RACK1: variants seen among roughly 807,000 people sequenced by gnomAD.
RACK1 encodes receptor for activated C kinase 1, also known as small ribosomal subunit protein RACK1.
Under a neutral mutation model 42.2 loss-of-function variants are expected in RACK1, and 3 were observed. The ratio of observed to expected loss-of-function variants is 0.07; its 90% CI spans 0.03 to 0.18. The LOEUF (loss-of-function observed/expected upper bound fraction) is 0.18, where lower values mean the gene tolerates loss of function less well. Ranked by LOEUF, RACK1 falls within the 10% of genes least tolerant of loss-of-function variation. The pLI, the probability that RACK1 is intolerant of heterozygous loss-of-function variation, is 1.00. For missense variants in RACK1, 146 were observed against 403.2 expected, an observed-to-expected ratio of 0.36 and a Z score of 5.46; for synonymous variants, 181 against 154.8, an observed-to-expected ratio of 1.17 and a Z score of -1.25.
In RACK1 at chr5:181,239,549, G is replaced by A; in HGVS notation, c.463C>T (p.Arg155Cys). 1.9e-6 allele frequency: 3 copies of A among 1,613,684 alleles called. No individual in the cohort carries two copies. Among genetic ancestry groups the A allele is most frequent in the Non-Finnish European group, 2.5e-6 (3 of 1,179,748 alleles). ...ESHSEWVSCV[R>C]FSPNSSNPII... Reference sequence around the variant, plus strand: ...GGGTTGCTGCTGTTGGGCGAGAAGCGGACACAAGACACCCACTCTGAGTGG... The same window carrying A: ...GGGTTGCTGCTGTTGGGCGAGAAGCAGACACAAGACACCCACTCTGAGTGG... The change falls in exon 4 of 8, where the codon CGC becomes TGC. Residue 155 changes from arginine to cysteine, a missense_variant. Transcript: ENST00000512805.
intron 2 of RACK1, 28 bp downstream of exon 2, chr5:181,242,145 GC>G (rs1759370956): frequency 6.3e-7 from 1 of 1,590,918 alleles, no homozygotes; most frequent in Non-Finnish European, 8.6e-7. Context: ...TCTTCCCAAG[GC>G]CCCAGAGCTA....
rs949032202 is a variant in RACK1, at chr5:181,237,390, T to C, written c.888+219A>G. On this transcript the variant is annotated intron_variant, in intron 7 of 7. Transcript: ENST00000512805. ...CTGGTCAGATTAATTAAGGTATTAA[T>C]TGAAGGCTGACAGCCACTGCGTTCC... 3 of 697,554 alleles carry C rather than the reference T, an allele frequency of 4.3e-6. No homozygotes were observed. In the African/African-American group the frequency reaches 5.3e-5, roughly 12 times the overall value. 43.2% of individuals were successfully genotyped at this position (697,554 alleles called of 1,614,324 possible). A position where few individuals can be genotyped will look rare whatever the true frequency, so the allele number is the denominator to read the frequency against.
At chr5:181,243,071 G>T (rs1759412325) in intron 1 of RACK1, 10 of 373,042 alleles carry the variant, frequency 2.7e-5, no homozygotes, top group Non-Finnish European at 4.1e-5. Flanking sequence ...TACAGGATTG[G>T]ATGCTTTTAC....
chr5:181,239,366 C>G, intron 4 of RACK1, 121 bp downstream of exon 4: 3 of 804,956 alleles, frequency 3.7e-6, no homozygotes, highest in Non-Finnish European at 6.7e-6. Context: ...GACATCAGAC[C>G]ATGTGACAAG....
intron 1 of RACK1, chr5:181,243,015 C>T: frequency 2.9e-6 from 1 of 347,662 alleles, no homozygotes; most frequent in Non-Finnish European, 5.6e-6. Context: ...CCTCTGAGGG[C>T]CGACAGAAAT....
chr5:181,239,642 C>T (rs1357203624), intron 3 of RACK1, 60 bp from the exon 4 acceptor site: 1 of 1,037,806 alleles, frequency 9.6e-7, no homozygotes, highest in East Asian at 2.4e-5. Flanking sequence ...TGCTAGACCT[C>T]CCAGCCCTAC....
At chr5:181,238,885 A>G (rs1360219802) in intron 5 of RACK1, 182 bp downstream of exon 5, 4 of 678,342 alleles carry the variant, frequency 5.9e-6, no homozygotes, top group Non-Finnish European at 1.1e-5. Context: ...TCCAGATAGT[A>G]TGCCTTAACT....
rs777390691 is a variant in RACK1, at chr5:181,239,137, A to G, written c.566T>C (p.Ile189Thr). ...CGTGTTCAGATAGCCTGTGTGGCCA[A>G]TGTGGTTGGTCTTCAGCTTGCAGTT... ...LANCKLKTNHIGHTGYLNTVT... is the reference protein window; with the variant it reads ...LANCKLKTNHTGHTGYLNTVT... Residue 189 changes from isoleucine to threonine, a missense_variant, in exon 5 of 8, where the codon ATT (isoleucine) becomes ACT (threonine). Physicochemically the swap from Ile to Thr is moderately conservative, Grantham distance 89. Transcript: ENST00000512805. 3.7e-6 allele frequency: 6 copies of G among 1,613,826 alleles called. No homozygotes were observed. Among genetic ancestry groups the G allele is most frequent in the South Asian group, 2.2e-5 (2 of 91,068 alleles).
rs1759198403 is a variant in RACK1 at position 181,237,869 on chromosome 5, T to C, written c.778-150A>G. 7.6e-6 allele frequency: 5 copies of C among 660,726 alleles called. No homozygotes were observed. The Admixed American group carries it at 7.6e-5, about 10-fold the overall frequency. The allele number at this position is 660,726 out of a possible 1,614,324, so 40.9% of individuals were successfully genotyped here. ...TACATGCATTTTCAGTTGCCACTAG[T>C]GGAAGGATGGTTTGCTACTGACATC... On this transcript the variant is annotated intron_variant, in intron 6 of 7. Coordinates refer to ENST00000512805, the MANE Select transcript of RACK1 (RefSeq NM_006098.5).
At chr5:181,238,755 C>T (rs112419804) in intron 5 of RACK1, 251 of 381,416 alleles carry the variant, frequency 6.6e-4, no homozygotes, top group African/African-American at 4.3e-3. Flanking sequence ...GCCGAGATCG[C>T]GCCACTGCAC....
At position 181,241,744 on chromosome 5, in the gene RACK1, A is replaced by G. The variant is rs542494303; in HGVS notation, c.282-105T>C. 5.5e-6 allele frequency: 7 copies of G among 1,265,466 alleles called. No individual in the cohort carries two copies. In the African/African-American group the frequency reaches 5.9e-5, roughly 11 times the overall value. The allele number at this position is 1,265,466 out of a possible 1,614,324, so 78.4% of individuals were successfully genotyped here. The stretch of plus-strand genomic sequence containing the variant: ...TCTGTCTCATTGCATCACTCATACA[A>G]CCCTGGATTTGGCTCTGATCACAGA... On this transcript the variant is annotated intron_variant, in intron 2 of 7. Coordinates refer to ENST00000512805, the MANE Select transcript of RACK1 (RefSeq NM_006098.5).
chr5:181,237,384 TATTA>T, intron 7 of RACK1: 1 of 699,610 alleles, frequency 1.4e-6, no homozygotes, highest in East Asian at 2.7e-5. Context: ...TTAATTAAGG[TATTA>T]ATTGAAGGCT....
intron 7 of RACK1, chr5:181,237,314 G>A (rs1232472578): frequency 2.8e-6 from 2 of 721,252 alleles, no homozygotes; most frequent in South Asian, 3.0e-5. Context: ...TGGTGGTTAT[G>A]TATTCCTTGA....
chr5:181,239,052 C>G lies in RACK1; in HGVS notation c.636+15G>C. On this transcript the variant is annotated intron_variant, in intron 5 of 7. Transcript: ENST00000512805. ...CTGTCTTCCACTGAGTAGGAGACGC[C>G]TTGTCCCCAAATACCTTGCCTCCAG... is the stretch of plus-strand genomic sequence containing the variant. 6.5e-7 allele frequency: 1 copy of G among 1,546,458 alleles called. No homozygotes were observed. The highest frequency in any genetic ancestry group is 8.9e-7 in the Non-Finnish European group (1 of 1,118,198).
In RACK1 at chr5:181,236,981, C is replaced by T. The variant is rs1368339973; in HGVS notation, c.950G>A (p.Arg317His). Residue 317 changes from arginine to histidine, a missense_variant, in exon 8 of 8, where the codon CGC becomes CAC. By Grantham distance (29) the Arg-to-His change is conservative. Coordinates refer to ENST00000512805, the MANE Select transcript of RACK1 (RefSeq NM_006098.5). ...VRVWQVTIGTR is the reference protein window; with the variant it reads ...VRVWQVTIGTH ...GTAAAGCTCTGCCATAAACTTCTAG[C>T]GTGTGCCAATGGTCACCTGCCACAC... is the stretch of plus-strand genomic sequence containing the variant. 3.7e-6 allele frequency: 6 copies of T among 1,613,170 alleles called. No homozygotes were observed. Among genetic ancestry groups the T allele is most frequent in the Middle Eastern group, 1.7e-4 (1 of 6,052 alleles).
chr5:181,241,846 TC>T (rs1759358709), intron 2 of RACK1: 4 of 778,330 alleles, frequency 5.1e-6, no homozygotes, highest in Non-Finnish European at 9.3e-6. Flanking sequence ...ATGTCCTCAC[TC>T]CCACTTGGGG....
At chr5:181,243,655 T>G (rs1463151457) in intron 1 of RACK1, 37 bp downstream of exon 1, 1 of 1,558,198 alleles carries the variant, frequency 6.4e-7, no homozygotes, top group Admixed American at 1.9e-5. Flanking sequence ...CCCCCAGCCC[T>G]GCAATCTCGG....
intron 4 of RACK1, 64 bp from the exon 5 acceptor site, chr5:181,239,241 C>G (rs73365992): frequency 3.7e-6 from 4 of 1,082,580 alleles, no homozygotes; most frequent in Non-Finnish European, 4.3e-6. Flanking sequence ...TCAGGCCCAA[C>G]AAAAAAGGGC....
intron 5 of RACK1, chr5:181,238,458 TCACTC>T: frequency 3.9e-6 from 2 of 517,472 alleles, no homozygotes; most frequent in Non-Finnish European, 6.9e-6. Flanking sequence ...CTTACATAAA[TCACTC>T]CAATCATTTC....
Sources: gnomAD v4.1 joint callset for allele counts on GRCh38, gnomAD v4.1.1 for gene constraint, MANE v1.5 for transcripts, NCBI Gene and HGNC (gene_info 2026-07-23, HGNC 2026-07-21) for gene names.